The following SPTLC3 variants were observed in gnomAD, a reference collection of about 807,000 sequenced individuals.
The protein encoded by SPTLC3 is serine palmitoyltransferase long chain base subunit 3.
SPTLC3 carries 36 observed loss-of-function variants against 59.3 expected under a neutral mutation model. That is an observed-to-expected ratio of 0.61 (90% CI 0.47 to 0.80). The LOEUF (loss-of-function observed/expected upper bound fraction) is 0.80. SPTLC3 is among the 30% of genes least tolerant of loss of function. The pLI, the probability that SPTLC3 is intolerant of heterozygous loss-of-function variation, is 0.00. For missense variants in SPTLC3, 625 were observed against 685.1 expected (o/e 0.91, Z 0.98); for synonymous variants, 257 against 240.8 (o/e 1.07, Z -0.62).
rs149216423 is a variant in SPTLC3 at position 13,058,595 on chromosome 20, G to T, written c.303+9465G>T. 2.9e-3 allele frequency among the ~76,000 whole-genome samples: 447 copies of T among 152,266 alleles called. 1 individual carries two copies. Among genetic ancestry groups the T allele is most frequent in the Non-Finnish European group, 5.0e-3 (339 of 68,022 alleles). On this transcript the variant is annotated intron_variant, in intron 2 of 11. Coordinates refer to ENST00000399002, the MANE Select transcript of SPTLC3 (RefSeq NM_018327.4). ...AGTGGGGGGTGAGGCAGAGGGGAGG[G>T]CTGGTCAAACAAGCTTCCCAAGTGA...
intron 2 of SPTLC3, among the ~76,000 whole-genome samples, chr20:13,062,051 A>G (rs1987998264): frequency 6.6e-6 from 1 of 152,110 alleles, no homozygotes; most frequent in Admixed American, 6.6e-5. Flanking sequence ...TTCCTCAGAC[A>G]CTACCCACAC....
chr20:13,064,741 G>GA (rs1326468704), intron 2 of SPTLC3, among the ~76,000 whole-genome samples: 1 of 152,070 alleles, frequency 6.6e-6, no homozygotes, highest in Non-Finnish European at 1.5e-5. Context: ...ATAGAATTTG[G>GA]AAAAAACTGG....
intron 8 of SPTLC3, among the ~76,000 whole-genome samples, chr20:13,122,525 T>C (rs1218652419): frequency 6.6e-6 from 1 of 152,238 alleles, no homozygotes; most frequent in East Asian, 1.9e-4. Context: ...AGCCAGCTTC[T>C]TTAGGTCCAA....
rs575207487 is a variant in SPTLC3 at position 13,141,068 on chromosome 20, G to A, written c.1280-12935G>A. Among the ~76,000 whole-genome samples the A allele has an allele frequency of 1.2e-4, 19 of 152,252 alleles. No individual in the cohort carries two copies. The East Asian group carries it at 3.1e-3, about 25-fold the overall frequency. ...GTTTGATAGGTTTAAAAAAAACAGG[G>A]ACTAAGTGGGAAGATTTAGGGCATT... On this transcript the variant is annotated intron_variant, in intron 9 of 11. Transcript: ENST00000399002.
intron 6 of SPTLC3, among the ~76,000 whole-genome samples, chr20:13,104,984 G>T (rs1020262805): frequency 2.6e-5 from 4 of 151,990 alleles, no homozygotes; most frequent in Non-Finnish European, 4.4e-5. Flanking sequence ...GCAAGTGTAA[G>T]TGCCTTAATA....
At chr20:13,082,345 A>G (rs1988867571) in intron 4 of SPTLC3, among the ~76,000 whole-genome samples, 1 of 152,218 alleles carries the variant, frequency 6.6e-6, no homozygotes, top group Non-Finnish European at 1.5e-5. Flanking sequence ...CTGGAGAGCC[A>G]TTTGTACTGC....
intron 1 of SPTLC3, among the ~76,000 whole-genome samples, chr20:13,028,970 A>G (rs1271247510): frequency 1.3e-5 from 2 of 152,218 alleles, no homozygotes; most frequent in Non-Finnish European, 2.9e-5. Flanking sequence ...ATCCAGGGCA[A>G]GACATGCCTG....
intron 2 of SPTLC3, among the ~76,000 whole-genome samples, chr20:13,071,228 C>T (rs1299882670): frequency 6.6e-6 from 1 of 152,186 alleles, no homozygotes; most frequent in Non-Finnish European, 1.5e-5. Context: ...TCGCATTACT[C>T]CAGTATATCA....
At chr20:13,028,911 C>G (rs1165015533) in intron 1 of SPTLC3, among the ~76,000 whole-genome samples, 2 of 152,180 alleles carry the variant, frequency 1.3e-5, no homozygotes, top group African/African-American at 4.8e-5. Context: ...TAGGAAGCAA[C>G]AGAGACTCAA....
At chr20:13,040,683 T>C (rs980019934) in intron 1 of SPTLC3, among the ~76,000 whole-genome samples, 62 of 126,504 alleles carry the variant, frequency 4.9e-4, no homozygotes, top group African/African-American at 1.3e-3. Context: ...CTGTGCCCCC[T>C]TTTTTTTTTT....
chr20:13,081,047 G>A (rs955932904), intron 4 of SPTLC3, among the ~76,000 whole-genome samples: 5 of 152,028 alleles, frequency 3.3e-5, no homozygotes, highest in Non-Finnish European at 7.4e-5. Flanking sequence ...TCCTCCTGTC[G>A]ACCTAAAGAA....
chr20:13,150,947 C>G (rs2038627865), intron 9 of SPTLC3, among the ~76,000 whole-genome samples: 1 of 152,164 alleles, frequency 6.6e-6, no homozygotes, highest in Admixed American at 6.5e-5. Context: ...CTCTTATGAG[C>G]TCTCATAACA....
intron 9 of SPTLC3, among the ~76,000 whole-genome samples, chr20:13,130,477 G>A (rs908259133): frequency 2.6e-5 from 4 of 152,218 alleles, no homozygotes; most frequent in Admixed American, 6.5e-5. Context: ...AAAGCCATAC[G>A]CTTCAAAGAA....
At chr20:13,014,958 A>G (rs1985451258) in intron 1 of SPTLC3, among the ~76,000 whole-genome samples, 1 of 152,182 alleles carries the variant, frequency 6.6e-6, no homozygotes, top group African/African-American at 2.4e-5. Flanking sequence ...GAATGGAAGA[A>G]GGTCTGGATG....
At chr20:13,025,714 C>T (rs1193712749) in intron 1 of SPTLC3, among the ~76,000 whole-genome samples, 1 of 152,116 alleles carries the variant, frequency 6.6e-6, no homozygotes, top group Non-Finnish European at 1.5e-5. Flanking sequence ...TATTGGTTGA[C>T]CTGCAGAAAC....
chr20:13,163,833 C>T (rs1408594432), intron 11 of SPTLC3, among the ~76,000 whole-genome samples: 3 of 152,124 alleles, frequency 2.0e-5, no homozygotes, highest in Admixed American at 2.0e-4. Flanking sequence ...AAAACAGGCT[C>T]AGAAAGGTTA....
chr20:13,018,058 T>G (rs1293163813), intron 1 of SPTLC3, among the ~76,000 whole-genome samples: 1 of 152,216 alleles, frequency 6.6e-6, no homozygotes, highest in Non-Finnish European at 1.5e-5. Flanking sequence ...GTGTGAGTGA[T>G]GTATCTTGGA....
intron 2 of SPTLC3, among the ~76,000 whole-genome samples, chr20:13,055,969 T>C (rs1190570896): frequency 1.3e-5 from 2 of 152,062 alleles, no homozygotes; most frequent in East Asian, 1.9e-4. Flanking sequence ...TACTCCTGCA[T>C]TGATAGAAGC....
intron 1 of SPTLC3, among the ~76,000 whole-genome samples, chr20:13,027,422 A>G (rs1986204495): frequency 6.6e-6 from 1 of 152,134 alleles, no homozygotes; most frequent in Admixed American, 6.6e-5. Flanking sequence ...GAAAAGTGAG[A>G]TCAAAACCAC....
Sources: allele counts gnomAD v4.1 joint callset (sites outside exome capture counted in the v4.1 genomes callset), GRCh38; gene constraint gnomAD v4.1.1; transcripts MANE v1.5; gene names NCBI Gene and HGNC (gene_info 2026-07-23, HGNC 2026-07-21).